EEF2K: variants seen among roughly 807,000 people sequenced by gnomAD.
EEF2K encodes the protein alternative protein EEF2K.
EEF2K carries 70 observed loss-of-function variants against 93.8 expected under a neutral mutation model. That is an observed-to-expected ratio of 0.75 (90% CI 0.62 to 0.91). EEF2K has a LOEUF of 0.91. Among genes scored for constraint, EEF2K ranks in the 40% least tolerant of loss-of-function variants. EEF2K has a pLI of 0.00. For missense variants in EEF2K, 935 were observed against 972.9 expected (o/e 0.96, Z 0.52); for synonymous variants, 376 against 380.8 (o/e 0.99, Z 0.15).
intron 15 of EEF2K, among the ~76,000 whole-genome samples, chr16:22,269,131 A>G (rs2047552809): frequency 6.6e-6 from 1 of 152,106 alleles, no homozygotes; most frequent in African/African-American, 2.4e-5. Flanking sequence ...AACAACAGAA[A>G]TTTGTTCTCT....
chr16:22,263,001 G>A (rs2047480393), intron 11 of EEF2K, 109 bp from the exon 12 acceptor site: 1 of 965,374 alleles, frequency 1.0e-6, no homozygotes, highest in Admixed American at 2.6e-5. Context: ...CAGGGTGTTA[G>A]GTAATGGGAC....
Position 22,273,652 on chromosome 16 carries a change from A to G in EEF2K, c.1791A>G (p.Gly597=). The change falls in exon 16 of 18, where the codon GGA becomes GGG. Residue 597 remains glycine (G), a synonymous_variant. Coordinates refer to ENST00000263026, the MANE Select transcript of EEF2K (RefSeq NM_013302.5). Reference sequence around the variant, plus strand: ...AGACAGAAGAGAACAAAACCAAAGGATTTGATTACTTACTAAAGGCCGCTG... The same window carrying G: ...AGACAGAAGAGAACAAAACCAAAGGGTTTGATTACTTACTAAAGGCCGCTG... ...LKETEENKTK[G]FDYLLKAAEA... is the part of the protein sequence containing the mutation. The G allele has an allele frequency of 6.2e-7, 1 of 1,614,130 alleles. No individual in the cohort carries two copies. Among genetic ancestry groups the G allele is most frequent in the Non-Finnish European group, 8.5e-7 (1 of 1,180,016 alleles).
At chr16:22,254,092 C>G (rs2047376764) in intron 6 of EEF2K, among the ~76,000 whole-genome samples, 1 of 151,778 alleles carries the variant, frequency 6.6e-6, no homozygotes, top group Admixed American at 6.6e-5. Flanking sequence ...GAGCAAGACT[C>G]CATCCCCAAA....
intron 4 of EEF2K, 112 bp downstream of exon 4, chr16:22,248,927 T>C: frequency 9.1e-7 from 1 of 1,103,316 alleles, no homozygotes; most frequent in Non-Finnish European, 1.3e-6. Flanking sequence ...TTTTTGTAAC[T>C]TCGGGGGATT....
At chr16:22,232,873 C>T (rs1011887579) in intron 2 of EEF2K, among the ~76,000 whole-genome samples, 1 of 148,218 alleles carries the variant, frequency 6.7e-6, no homozygotes, top group Admixed American at 6.8e-5. Context: ...ATCCCATAAA[C>T]CTAAGTGGTT....
At chr16:22,280,544 A>G (rs2047683004) in intron 17 of EEF2K, among the ~76,000 whole-genome samples, 168 bp downstream of exon 17, 1 of 152,122 alleles carries the variant, frequency 6.6e-6, no homozygotes, top group Non-Finnish European at 1.5e-5. Context: ...TTTAATGGTT[A>G]TATATTACGG....
chr16:22,226,077 T>C, intron 2 of EEF2K, 102 bp downstream of exon 2: 2 of 1,503,044 alleles, frequency 1.3e-6, no homozygotes, highest in Admixed American at 1.9e-5. Context: ...TTCCAAACCC[T>C]GGACAGTGCT....
At position 22,225,816 on chromosome 16, in the gene EEF2K, G is replaced by A. The variant is rs759185801; in HGVS notation, c.87G>A (p.Gly29=). The A allele has an allele frequency of 1.2e-6, 2 of 1,614,242 alleles. No individual in the cohort carries two copies. The highest frequency in any genetic ancestry group is 1.7e-6 in the Non-Finnish European group (2 of 1,180,046). ...PRAGHDGDSD[G]DSDDEEGYFI... ...CTGGCCATGATGGTGATTCTGATGG[G>A]GACAGCGACGATGAGGAAGGTTACT... is the stretch of plus-strand genomic sequence containing the variant. The change falls in exon 2 of 18, where the codon GGG becomes GGA. Residue 29 remains glycine (G), a synonymous_variant. Coordinates refer to ENST00000263026, the MANE Select transcript of EEF2K (RefSeq NM_013302.5).
At chr16:22,243,339 C>T (rs1456566786) in intron 2 of EEF2K, among the ~76,000 whole-genome samples, 1 of 150,962 alleles carries the variant, frequency 6.6e-6, no homozygotes, top group Non-Finnish European at 1.5e-5. Flanking sequence ...ACAACCTCTG[C>T]CTCCTGGGTT....
chr16:22,261,046 C>T (rs558659729), intron 11 of EEF2K, among the ~76,000 whole-genome samples: 12 of 152,196 alleles, frequency 7.9e-5, no homozygotes, highest in Middle Eastern at 3.4e-3. Flanking sequence ...AATTATAATA[C>T]TCTCTATGCT....
intron 1 of EEF2K, among the ~76,000 whole-genome samples, chr16:22,217,792 T>A (rs1308846509): frequency 2.6e-5 from 4 of 152,126 alleles, no homozygotes; most frequent in Admixed American, 1.3e-4. Flanking sequence ...AGAAAACCTA[T>A]CTGTAACTAG....
Position 22,282,470 on chromosome 16 carries a change from G to A in EEF2K, c.2069-1417G>A, listed in dbSNP as rs77718299. Reference sequence around the variant, plus strand: ...CCTCACAGGCTGCTAGAATATGAACGTCCCCTCCAAGTCTCATGTTGAACT... The same window carrying A: ...CCTCACAGGCTGCTAGAATATGAACATCCCCTCCAAGTCTCATGTTGAACT... On this transcript the variant is annotated intron_variant, in intron 17 of 17. Transcript: ENST00000263026. Among the ~76,000 whole-genome samples the A allele has an allele frequency of 3.3e-4, 51 of 152,244 alleles. 1 individual carries two copies. The East Asian group carries it at 8.7e-3, about 26-fold the overall frequency.
chr16:22,278,066 G>A (rs2047655796), intron 16 of EEF2K, among the ~76,000 whole-genome samples: 1 of 151,988 alleles, frequency 6.6e-6, no homozygotes, highest in African/African-American at 2.4e-5. Flanking sequence ...AATTAGCCAG[G>A]CGTGGTGACA....
rs759387632 is a variant in EEF2K at position 22,257,706 on chromosome 16, G to A, written c.965G>A (p.Gly322Asp). The A allele has an allele frequency of 3.7e-6, 6 of 1,614,012 alleles. No homozygotes were observed. In the Admixed American group the frequency reaches 5.0e-5, roughly 13 times the overall value. Residue 322 changes from glycine (G) to aspartate (D), a missense_variant, in exon 9 of 18, where the codon GGC (glycine) becomes GAC (aspartate). Coordinates refer to ENST00000263026, the MANE Select transcript of EEF2K (RefSeq NM_013302.5). ...HACNRICESM[G>D]LAPFDLSPRE... ...TGCAACCGGATTTGCGAGAGCATGG[G>A]CCTTGCTCCCTTTGACCTCTCGCCC...
chr16:22,266,285 C>T, intron 13 of EEF2K, 105 bp from the exon 14 acceptor site: 1 of 1,481,136 alleles, frequency 6.8e-7, no homozygotes, highest in Non-Finnish European at 9.0e-7. Context: ...GGGTTCACTC[C>T]CCATCTCCCT....
intron 1 of EEF2K, among the ~76,000 whole-genome samples, 162 bp from the exon 2 acceptor site, chr16:22,225,492 A>T (rs965347855): frequency 1.3e-5 from 2 of 152,186 alleles, no homozygotes; most frequent in African/African-American, 4.8e-5. Context: ...TCGAATTTAA[A>T]ATGTGCCTGG....
chr16:22,262,036 C>G lies in EEF2K; in HGVS notation c.1300-1074C>G, dbSNP rs558328755. ...ACACACACACACACACACACACACA[C>G]AGAAAAGATACTTCTTAGAAGAATA... On this transcript the variant is annotated intron_variant, in intron 11 of 17. Coordinates refer to ENST00000263026, the MANE Select transcript of EEF2K (RefSeq NM_013302.5). Among the ~76,000 whole-genome samples the G allele has an allele frequency of 1.7e-4, 26 of 150,078 alleles. 1 individual carries two copies. In the East Asian group the frequency reaches 4.5e-3, roughly 26 times the overall value.
rs767379628 is a variant in EEF2K, at chr16:22,286,248, T to C, written c.*2252T>C. Reference sequence around the variant, plus strand: ...TGGCTTGTGTTACATTTTGTGTGTGTGTGTGCGTGTTTTAAACCAGTGCAT... The same window carrying C: ...TGGCTTGTGTTACATTTTGTGTGTGCGTGTGCGTGTTTTAAACCAGTGCAT... On this transcript the variant is annotated 3_prime_UTR_variant, in exon 18 of 18. Transcript: ENST00000263026. The C allele has an allele frequency of 6.6e-6, 1 of 152,230 alleles. No homozygotes were observed. The highest frequency in any genetic ancestry group is 1.5e-5 in the Non-Finnish European group (1 of 68,046). The allele number at this position is 152,230 out of a possible 1,614,324, so 9.4% of individuals were successfully genotyped here.
chr16:22,260,781 G>T (rs954418958), intron 11 of EEF2K, among the ~76,000 whole-genome samples: 23 of 152,218 alleles, frequency 1.5e-4, no homozygotes, highest in African/African-American at 5.1e-4. Context: ...CTCCCAGTCA[G>T]CAACAATGCG....
Sources: allele counts gnomAD v4.1 joint callset (sites outside exome capture counted in the v4.1 genomes callset), GRCh38; gene constraint gnomAD v4.1.1; transcripts MANE v1.5; gene names NCBI Gene and HGNC (gene_info 2026-07-23, HGNC 2026-07-21).